MCPH1: variants seen among roughly 807,000 people sequenced by gnomAD.
MCPH1 encodes microcephalin.
Under a neutral mutation model 84.5 loss-of-function variants are expected in MCPH1, and 104 were observed. The ratio of observed to expected loss-of-function variants is 1.23; its 90% CI spans 1.05 to 1.45. The LOEUF is 1.45. MCPH1 is among the 40% of genes most tolerant of loss of function. The pLI is 0.00. For missense variants in MCPH1, 1,498 were observed against 1,005.7 expected, an observed-to-expected ratio of 1.49 and a Z score of -6.62; for synonymous variants, 514 against 366.8, an observed-to-expected ratio of 1.40 and a Z score of -4.58.
rs755414273 is a variant in MCPH1, at chr8:6,507,201, T to C, written c.2214+7272T>C. Among the ~76,000 whole-genome samples the C allele has an allele frequency of 8.8e-4, 134 of 152,260 alleles. No individual in the cohort carries two copies. The Middle Eastern group carries it at 0.014, about 15-fold the overall frequency. On this transcript the variant is annotated intron_variant, in intron 12 of 13. Transcript: ENST00000344683. ...GCGGGGGCCACCATGCCCAGCCCTA[T>C]TAATGATTCCTATAGTGTAAATGCA...
intron 12 of MCPH1, among the ~76,000 whole-genome samples, chr8:6,519,277 C>G (rs1425076624): frequency 6.6e-6 from 1 of 152,148 alleles, no homozygotes; most frequent in African/African-American, 2.4e-5. Flanking sequence ...GATGCTAAGA[C>G]ACCACCGGTC....
intron 9 of MCPH1, among the ~76,000 whole-genome samples, chr8:6,472,539 C>T (rs1399878079): frequency 6.6e-6 from 1 of 152,156 alleles, no homozygotes; most frequent in Admixed American, 6.5e-5. Flanking sequence ...GATCTTAGCT[C>T]ACTGCAACCT....
chr8:6,410,214 T>C (rs987036884), intron 2 of MCPH1, among the ~76,000 whole-genome samples: 1 of 151,976 alleles, frequency 6.6e-6, no homozygotes, highest in African/African-American at 2.4e-5. Context: ...GATCTCGTGA[T>C]CCGCCCACCT....
chr8:6,552,815 C>CT (rs57835088), intron 12 of MCPH1, among the ~76,000 whole-genome samples: 9,153 of 146,194 alleles, frequency 0.063, 639 homozygotes, highest in African/African-American at 0.18. Flanking sequence ...GTTATTCCTG[C>CT]TTTTTTTTTT....
chr8:6,594,955 G>A (rs771311650), intron 12 of MCPH1, among the ~76,000 whole-genome samples: 7 of 152,104 alleles, frequency 4.6e-5, no homozygotes, highest in East Asian at 1.9e-4. Flanking sequence ...CTTTAAAATC[G>A]AAGTTTTTCT....
At chr8:6,636,002 G>A (rs997227210) in intron 13 of MCPH1, among the ~76,000 whole-genome samples, 2 of 152,218 alleles carry the variant, frequency 1.3e-5, no homozygotes, top group Admixed American at 1.3e-4. Flanking sequence ...GTACTTATGT[G>A]TGAATAAGTG....
At chr8:6,434,019 C>T (rs1490060378) in intron 4 of MCPH1, among the ~76,000 whole-genome samples, 4 of 152,178 alleles carry the variant, frequency 2.6e-5, no homozygotes, top group African/African-American at 4.8e-5. Flanking sequence ...CGTTTTCCAG[C>T]CTCCCTATGG....
intron 9 of MCPH1, among the ~76,000 whole-genome samples, chr8:6,463,256 C>G (rs1024581381): frequency 5.3e-5 from 8 of 152,300 alleles, no homozygotes; most frequent in Admixed American, 1.3e-4. Flanking sequence ...GTCAGAAATG[C>G]CCGCTTGGGG....
At chr8:6,527,798 A>C in intron 12 of MCPH1, 1 of 940,280 alleles carries the variant, frequency 1.1e-6, no homozygotes, top group African/African-American at 1.7e-5. Context: ...TTATTAACCC[A>C]AGTATCTTAT....
At chr8:6,534,799 A>G (rs1479687754) in intron 12 of MCPH1, among the ~76,000 whole-genome samples, 1 of 152,160 alleles carries the variant, frequency 6.6e-6, no homozygotes, top group Non-Finnish European at 1.5e-5. Context: ...TTCTTAATTC[A>G]TTCTTTCTCC....
intron 11 of MCPH1, among the ~76,000 whole-genome samples, chr8:6,487,393 G>T (rs181644412): frequency 6.6e-6 from 1 of 152,210 alleles, no homozygotes; most frequent in South Asian, 2.1e-4. Context: ...TTCCGTTCAC[G>T]CCTCTCATTT....
intron 4 of MCPH1, among the ~76,000 whole-genome samples, chr8:6,434,651 A>G (rs1802376217): frequency 6.6e-6 from 1 of 152,208 alleles, no homozygotes; most frequent in African/African-American, 2.4e-5. Flanking sequence ...TTGTCAATAA[A>G]TGAGTGAATA....
chr8:6,497,714 A>T (rs1455256618), intron 11 of MCPH1, among the ~76,000 whole-genome samples: 1 of 152,204 alleles, frequency 6.6e-6, no homozygotes, highest in Non-Finnish European at 1.5e-5. Flanking sequence ...TGGCGGCAGG[A>T]GGTGTATGGG....
At chr8:6,602,297 G>C (rs1829434978) in intron 12 of MCPH1, among the ~76,000 whole-genome samples, 1 of 152,228 alleles carries the variant, frequency 6.6e-6, no homozygotes, top group African/African-American at 2.4e-5. Context: ...TGGAGCAGGA[G>C]AGGGACCGTC....
chr8:6,431,524 G>A lies in MCPH1; in HGVS notation c.259G>A (p.Asp87Asn). 1 of 1,613,564 alleles carries A rather than the reference G, an allele frequency of 6.2e-7. No homozygotes were observed. The highest frequency in any genetic ancestry group is 1.1e-5 in the South Asian group (1 of 91,024). The change falls in exon 4 of 14, where the codon GAT (aspartate) becomes AAT (asparagine). Residue 87 changes from aspartate (D) to asparagine (N), a missense_variant. By Grantham distance (23) the Asp-to-Asn change is conservative. Coordinates refer to ENST00000344683, the MANE Select transcript of MCPH1 (RefSeq NM_024596.5). ...EKCRTAGAHI[D>N]ESLFPAANMN... Reference sequence around the variant, plus strand: ...ATGCAGGACAGCTGGAGCACACATTGATGAATCATTGTTCCCTGCAGCTAA... The same window carrying A: ...ATGCAGGACAGCTGGAGCACACATTAATGAATCATTGTTCCCTGCAGCTAA...
At chr8:6,501,597 C>T (rs1297615241) in intron 12 of MCPH1, 1 of 148,012 alleles carries the variant, frequency 6.8e-6, no homozygotes, top group South Asian at 2.2e-4. Context: ...CTCTGTTGCC[C>T]CGGCTGGAGT....
rs556905505 is a variant in MCPH1 at position 6,464,035 on chromosome 8, G to C, written c.1935+8783G>C. 2.2e-3 allele frequency among the ~76,000 whole-genome samples: 332 copies of C among 152,252 alleles called. 2 individuals carry two copies. The highest frequency in any genetic ancestry group is 7.8e-3 in the African/African-American group (324 of 41,544). On this transcript the variant is annotated intron_variant, in intron 9 of 13. Transcript: ENST00000344683. ...GGGTATGTTGTTATCACACGTTTAG[G>C]GGAATTGCCACACTTCCTCGAGGAT...
At chr8:6,630,304 T>A (rs1331159926) in intron 13 of MCPH1, among the ~76,000 whole-genome samples, 2 of 152,222 alleles carry the variant, frequency 1.3e-5, no homozygotes, top group South Asian at 4.2e-4. Context: ...AAGAATGAAA[T>A]TGGAGCTGTC....
At chr8:6,428,272 T>C (rs1585694882) in intron 3 of MCPH1, among the ~76,000 whole-genome samples, 1 of 149,110 alleles carries the variant, frequency 6.7e-6, no homozygotes, top group South Asian at 2.1e-4. Context: ...TAAAAAAAAC[T>C]AGGACACAAA....
Sources: gnomAD v4.1 joint callset for allele counts (sites outside exome capture counted in the v4.1 genomes callset) on GRCh38, gnomAD v4.1.1 for gene constraint, MANE v1.5 for transcripts, NCBI Gene and HGNC (gene_info 2026-07-23, HGNC 2026-07-21) for gene names.